The following GAB2 variants were observed in gnomAD, a reference collection of about 807,000 sequenced individuals.
GAB2 encodes the protein GRB2-associated-binding protein 2.
In GAB2, 26 loss-of-function variants were observed where a neutral mutation model predicts 65.5. The observed-to-expected ratio is 0.40, with a 90% CI of 0.29 to 0.55. GAB2 has a LOEUF of 0.55. GAB2 is among the 20% of genes least tolerant of loss of function. The pLI is 0.53. For synonymous variants in GAB2, 321 were observed against 329.6 expected (o/e 0.97, Z 0.28); for missense variants, 884 against 875.8 (o/e 1.01, Z -0.12).
chr11:78,238,537 T>TA (rs61625813), intron 3 of GAB2, among the ~76,000 whole-genome samples: 7,050 of 134,950 alleles, frequency 0.052, 532 homozygotes, highest in African/African-American at 0.17. Context: ...TAAACTAGAT[T>TA]AAAAAAAAAA....
intron 1 of GAB2, among the ~76,000 whole-genome samples, chr11:78,346,471 A>G (rs1856180480): frequency 6.6e-6 from 1 of 151,876 alleles, no homozygotes. Flanking sequence ...AACTTCATAG[A>G]GACTGGGTGA....
chr11:78,264,617 G>A (rs1445062907), intron 2 of GAB2, among the ~76,000 whole-genome samples: 1 of 151,762 alleles, frequency 6.6e-6, no homozygotes, highest in African/African-American at 2.4e-5. Flanking sequence ...ATGTTGGCCA[G>A]GCTGGTCTTG....
intron 1 of GAB2, among the ~76,000 whole-genome samples, chr11:78,296,991 A>T (rs1051298404): frequency 6.6e-6 from 1 of 152,084 alleles, no homozygotes; most frequent in African/African-American, 2.4e-5. Context: ...CCACCTAATC[A>T]CCTCCCAAAG....
intron 3 of GAB2, among the ~76,000 whole-genome samples, chr11:78,240,129 A>T (rs1865087038): frequency 6.6e-6 from 1 of 152,120 alleles, no homozygotes; most frequent in Admixed American, 6.5e-5. Context: ...GCTGCTCAGA[A>T]CAGTCATGCC....
At chr11:78,416,399 G>C (rs1857196112) in intron 1 of GAB2, among the ~76,000 whole-genome samples, 1 of 152,212 alleles carries the variant, frequency 6.6e-6, no homozygotes, top group South Asian at 2.1e-4. Context: ...CCAGAGGCCA[G>C]AAGTCCCTTG....
At chr11:78,244,327 A>C (rs1469809821) in intron 3 of GAB2, among the ~76,000 whole-genome samples, 1 of 151,856 alleles carries the variant, frequency 6.6e-6, no homozygotes, top group Non-Finnish European at 1.5e-5. Context: ...GGGAGGCAGA[A>C]GTTGCAGTGA....
intron 1 of GAB2, among the ~76,000 whole-genome samples, chr11:78,300,892 A>G (rs1472515661): frequency 6.6e-6 from 1 of 151,910 alleles, no homozygotes; most frequent in Non-Finnish European, 1.5e-5. Flanking sequence ...ATGGAGTTTC[A>G]CCATGTTGCC....
chr11:78,324,997 T>C (rs1855797003), intron 1 of GAB2, among the ~76,000 whole-genome samples: 1 of 152,202 alleles, frequency 6.6e-6, no homozygotes, highest in African/African-American at 2.4e-5. Context: ...AAATCAGTCA[T>C]GGTGTGAATA....
chr11:78,238,206 C>CAAAAAAAAAAAAAA (rs10541492), intron 3 of GAB2, among the ~76,000 whole-genome samples: 5 of 104,794 alleles, frequency 4.8e-5, no homozygotes, highest in Admixed American at 1.0e-4. Flanking sequence ...AGGGAAGAAA[C>CAAAAAAAAAAAAAA]AAAAAAAAAA....
intron 1 of GAB2, among the ~76,000 whole-genome samples, chr11:78,382,348 C>A (rs148649451): frequency 2.0e-5 from 3 of 152,004 alleles, no homozygotes; most frequent in Non-Finnish European, 4.4e-5. Flanking sequence ...CTTGGCCCCC[C>A]CTTCTGCTGG....
intron 1 of GAB2, among the ~76,000 whole-genome samples, chr11:78,350,357 G>A (rs1436121504): frequency 2.0e-5 from 3 of 152,192 alleles, no homozygotes; most frequent in Non-Finnish European, 2.9e-5. Context: ...GGCAAGACAT[G>A]CTCTCCCTCA....
chr11:78,240,783 C>T (rs1193472785), intron 3 of GAB2, among the ~76,000 whole-genome samples: 1 of 152,100 alleles, frequency 6.6e-6, no homozygotes, highest in Non-Finnish European at 1.5e-5. Flanking sequence ...CTCTGCCTAC[C>T]AGGGGTAGAA....
Position 78,353,913 on chromosome 11 carries a change from C to T in GAB2, c.75+63733G>A, listed in dbSNP as rs144108951. 2.2e-3 allele frequency among the ~76,000 whole-genome samples: 336 copies of T among 152,350 alleles called. 6 individuals are homozygous for T. The highest frequency in any genetic ancestry group is 0.019 in the Admixed American group (289 of 15,308). On this transcript the variant is annotated intron_variant, in intron 1 of 9. Coordinates refer to ENST00000361507, the MANE Select transcript of GAB2 (RefSeq NM_080491.3). ...GAAGTGGTTCTCAAACTTCAGTATG[C>T]ATCAGAATCACCGGAAAGCTTGGTA...
chr11:78,302,346 AC>A (rs1867047371), intron 1 of GAB2, among the ~76,000 whole-genome samples: 2 of 152,342 alleles, frequency 1.3e-5, no homozygotes, highest in African/African-American at 4.8e-5. Flanking sequence ...CAAGAAAAAA[AC>A]AATCTCATCA....
intron 3 of GAB2, among the ~76,000 whole-genome samples, chr11:78,239,499 G>A (rs953426442): frequency 7.9e-5 from 12 of 152,162 alleles, no homozygotes; most frequent in African/African-American, 1.9e-4. Context: ...GATTACAGGC[G>A]TGAGCCACCA....
At chr11:78,324,072 ACAGTCATGATCCAC>A (rs1276436547) in intron 1 of GAB2, among the ~76,000 whole-genome samples, 1 of 151,860 alleles carries the variant, frequency 6.6e-6, no homozygotes. Flanking sequence ...TGCTGGGATA[ACAGTCATGATCCAC>A]CATGCCTGAC....
intron 1 of GAB2, among the ~76,000 whole-genome samples, chr11:78,403,313 T>G (rs1443631561): frequency 6.6e-6 from 1 of 152,266 alleles, no homozygotes; most frequent in African/African-American, 2.4e-5. Flanking sequence ...TTTAAAGAGT[T>G]AAACTGCAGG....
chr11:78,348,239 C>A (rs544993191), intron 1 of GAB2, among the ~76,000 whole-genome samples: 2 of 152,080 alleles, frequency 1.3e-5, no homozygotes, highest in Non-Finnish European at 1.5e-5. Flanking sequence ...TGAAAAGAAT[C>A]CAAGTATAAA....
At chr11:78,335,587 T>A (rs1855983766) in intron 1 of GAB2, among the ~76,000 whole-genome samples, 1 of 152,238 alleles carries the variant, frequency 6.6e-6, no homozygotes, top group African/African-American at 2.4e-5. Context: ...TCTATTCTAT[T>A]CCATTGGTCT....
Sources: gnomAD v4.1 joint callset for allele counts (sites outside exome capture counted in the v4.1 genomes callset) on GRCh38, gnomAD v4.1.1 for gene constraint, MANE v1.5 for transcripts, NCBI Gene and HGNC (gene_info 2026-07-23, HGNC 2026-07-21) for gene names.